MEMO1: variants seen among roughly 807,000 people sequenced by gnomAD.
The protein encoded by MEMO1 is protein MEMO1.
Under a neutral mutation model 45.2 loss-of-function variants are expected in MEMO1, and 6 were observed. The ratio of observed to expected loss-of-function variants is 0.13; its 90% CI spans 0.07 to 0.26. MEMO1 has a LOEUF of 0.26. MEMO1 is among the 10% of genes least tolerant of loss of function. The probability of loss-of-function intolerance (pLI) is 1.00; values close to 1 mark genes in which losing one functional copy is unlikely to be tolerated. For missense variants in MEMO1, 184 were observed against 370.5 expected, an observed-to-expected ratio of 0.50 and a Z score of 4.13; for synonymous variants, 78 against 124.3, an observed-to-expected ratio of 0.63 and a Z score of 2.48.
intron 2 of MEMO1, among the ~76,000 whole-genome samples, chr2:32,002,186 T>TATATATATACACAC (rs753352927): frequency 8.6e-6 from 1 of 116,064 alleles, no homozygotes; most frequent in Non-Finnish European, 1.7e-5. Context: ...TATATATATA[T>TATATATATACACAC]ACACACACAC....
At chr2:31,992,487 A>G (rs1672063215) in intron 2 of MEMO1, among the ~76,000 whole-genome samples, 1 of 152,208 alleles carries the variant, frequency 6.6e-6, no homozygotes, top group African/African-American at 2.4e-5. Context: ...CTGAAATGTC[A>G]AAAGTGAATT....
intron 7 of MEMO1, among the ~76,000 whole-genome samples, chr2:31,886,389 C>CATATT (rs1412919666): frequency 1.3e-5 from 2 of 152,114 alleles, no homozygotes; most frequent in African/African-American, 4.8e-5. Context: ...ATCATCATAG[C>CATATT]CTATATGTAT....
chr2:31,881,182 T>C (rs1421789412), intron 8 of MEMO1, among the ~76,000 whole-genome samples: 1 of 152,012 alleles, frequency 6.6e-6, no homozygotes, highest in East Asian at 1.9e-4. Context: ...GAACAACGAA[T>C]TGAAATTCCT....
At chr2:31,984,509 C>T (rs1223318745) in intron 2 of MEMO1, among the ~76,000 whole-genome samples, 1 of 152,118 alleles carries the variant, frequency 6.6e-6, no homozygotes, top group Admixed American at 6.5e-5. Context: ...GATCCTAGAA[C>T]AGAGAAAGGA....
intron 3 of MEMO1, among the ~76,000 whole-genome samples, chr2:31,935,816 T>A (rs983580228): frequency 6.6e-6 from 1 of 152,182 alleles, no homozygotes; most frequent in Non-Finnish European, 1.5e-5. Flanking sequence ...AGATCATTCA[T>A]AATAAAGGAG....
intron 8 of MEMO1, among the ~76,000 whole-genome samples, chr2:31,880,408 T>G: frequency 6.6e-6 from 1 of 152,220 alleles, no homozygotes; most frequent in East Asian, 1.9e-4. Context: ...AAGGTAAGTT[T>G]AAACATGATA....
intron 2 of MEMO1, 57 bp downstream of exon 2, chr2:32,010,130 C>A (rs1300937439): frequency 6.9e-5 from 65 of 938,410 alleles, no homozygotes; most frequent in Non-Finnish European, 8.3e-5. Flanking sequence ...CCTCGGCCGG[C>A]CGGGCGTGGG....
chr2:31,947,992 G>T (rs1666382980), intron 2 of MEMO1, among the ~76,000 whole-genome samples: 1 of 152,180 alleles, frequency 6.6e-6, no homozygotes, highest in South Asian at 2.1e-4. Context: ...TAGTGAGTAT[G>T]AATCACCTGA....
intron 2 of MEMO1, among the ~76,000 whole-genome samples, chr2:31,962,057 A>G (rs1315393398): frequency 6.6e-6 from 1 of 152,124 alleles, no homozygotes; most frequent in African/African-American, 2.4e-5. Context: ...TGCGTCTGTA[A>G]TTCAGTTGTT....
chr2:31,890,103 G>C (rs1676745329), intron 7 of MEMO1, among the ~76,000 whole-genome samples: 1 of 152,006 alleles, frequency 6.6e-6, no homozygotes, highest in South Asian at 2.1e-4. Flanking sequence ...ACTAGGCTTT[G>C]GTTACTTTAG....
intron 4 of MEMO1, among the ~76,000 whole-genome samples, chr2:31,927,176 T>TG: frequency 6.6e-6 from 1 of 151,628 alleles, no homozygotes; most frequent in South Asian, 2.1e-4. Flanking sequence ...AAAAATTAGC[T>TG]GGGCATGGTG....
intron 2 of MEMO1, among the ~76,000 whole-genome samples, chr2:31,999,494 C>A (rs540096299): frequency 2.0e-5 from 3 of 152,030 alleles, no homozygotes; most frequent in African/African-American, 7.2e-5. Context: ...GAGACCCGCC[C>A]CCCCATCTCT....
At chr2:31,889,335 T>C (rs1174631307) in intron 7 of MEMO1, among the ~76,000 whole-genome samples, 1 of 152,106 alleles carries the variant, frequency 6.6e-6, no homozygotes, top group Admixed American at 6.6e-5. Context: ...TCTGCATGCA[T>C]GAGGAACTGA....
chr2:31,876,876 T>G (rs1178760137), intron 8 of MEMO1, among the ~76,000 whole-genome samples: 2 of 152,212 alleles, frequency 1.3e-5, no homozygotes, highest in Admixed American at 6.5e-5. Context: ...TGTCCCTCTC[T>G]TCTACCACCA....
At chr2:31,906,980 TCA>T (rs1341180311) in intron 6 of MEMO1, among the ~76,000 whole-genome samples, 1 of 152,230 alleles carries the variant, frequency 6.6e-6, no homozygotes, top group Non-Finnish European at 1.5e-5. Context: ...CAAACAGATC[TCA>T]GTTACTAGCC....
chr2:31,890,525 T>C (rs1415056911), intron 7 of MEMO1, among the ~76,000 whole-genome samples: 1 of 152,154 alleles, frequency 6.6e-6, no homozygotes, highest in Admixed American at 6.5e-5. Context: ...CTTATATCCA[T>C]AAAATGTAAC....
intron 2 of MEMO1, among the ~76,000 whole-genome samples, chr2:31,960,880 C>G (rs1352968268): frequency 6.6e-6 from 1 of 152,146 alleles, no homozygotes; most frequent in Non-Finnish European, 1.5e-5. Context: ...GCCACCAGGC[C>G]TGGCCAAATC....
intron 8 of MEMO1, among the ~76,000 whole-genome samples, chr2:31,881,495 T>TAAGAA (rs1675357534): frequency 1.5e-5 from 1 of 68,430 alleles, no homozygotes; most frequent in Admixed American, 2.1e-4. Context: ...AGCCTGTCTT[T>TAAGAA]AAAAAAAAAA....
At chr2:32,003,237 G>C (rs908696680) in intron 2 of MEMO1, among the ~76,000 whole-genome samples, 4 of 151,856 alleles carry the variant, frequency 2.6e-5, no homozygotes, top group Non-Finnish European at 5.9e-5. Flanking sequence ...TTTATCAATT[G>C]TTTAGAAACA....
Sources: allele counts gnomAD v4.1 joint callset (sites outside exome capture counted in the v4.1 genomes callset), GRCh38; gene constraint gnomAD v4.1.1; transcripts MANE v1.5; gene names NCBI Gene and HGNC (gene_info 2026-07-23, HGNC 2026-07-21).